The following PTPN9 variants were observed in gnomAD, a reference collection of about 807,000 sequenced individuals.
PTPN9 encodes tyrosine-protein phosphatase non-receptor type 9.
PTPN9 carries 26 observed loss-of-function variants against 69.8 expected under a neutral mutation model. The observed-to-expected ratio is 0.37, with a 90% confidence interval of 0.27 to 0.52. The LOEUF is 0.52. Ranked by LOEUF, PTPN9 falls within the 20% of genes least tolerant of loss-of-function variation. The probability of loss-of-function intolerance (pLI) is 0.91; values close to 1 mark genes in which losing one functional copy is unlikely to be tolerated. For synonymous variants in PTPN9, 274 were observed against 272.5 expected (o/e 1.01, Z -0.05); for missense variants, 549 against 740.3 (o/e 0.74, Z 3.00).
intron 1 of PTPN9, among the ~76,000 whole-genome samples, chr15:75,559,831 A>G (rs1019907063): frequency 7.9e-5 from 12 of 151,836 alleles, no homozygotes; most frequent in Non-Finnish European, 1.5e-4. Context: ...AAAAAAATGA[A>G]TATTTTTTTC....
intron 1 of PTPN9, among the ~76,000 whole-genome samples, chr15:75,540,370 T>A (rs950930011): frequency 6.6e-6 from 1 of 151,552 alleles, no homozygotes; most frequent in Non-Finnish European, 1.5e-5. Context: ...CTGGCCAACA[T>A]GGCAAAACTC....
At chr15:75,501,466 T>A (rs922419404) in intron 7 of PTPN9, among the ~76,000 whole-genome samples, 2 of 147,044 alleles carry the variant, frequency 1.4e-5, no homozygotes, top group Admixed American at 1.4e-4. Flanking sequence ...CTTTCTTTCT[T>A]TTTTTTTTTT....
chr15:75,545,601 T>C (rs1447948103), intron 1 of PTPN9, among the ~76,000 whole-genome samples: 1 of 152,160 alleles, frequency 6.6e-6, no homozygotes, highest in Admixed American at 6.6e-5. Context: ...GCCAATATCT[T>C]AACGTCAGAC....
intron 1 of PTPN9, among the ~76,000 whole-genome samples, chr15:75,574,762 G>A (rs2141347318): frequency 6.6e-6 from 1 of 151,718 alleles, no homozygotes; most frequent in South Asian, 2.1e-4. Context: ...CTAATGTAGT[G>A]AAACCCCATC....
At chr15:75,497,103 C>T (rs4299117) in intron 7 of PTPN9, among the ~76,000 whole-genome samples, 51,880 of 152,028 alleles carry the variant, frequency 0.34, 9,974 homozygotes, top group African/African-American at 0.51. Context: ...ATATCATATT[C>T]ATACTAGTAG....
chr15:75,560,581 T>C (rs1464495000), intron 1 of PTPN9, among the ~76,000 whole-genome samples: 1 of 152,120 alleles, frequency 6.6e-6, no homozygotes, highest in Non-Finnish European at 1.5e-5. Flanking sequence ...GCAGTAAAAA[T>C]AACTTCCTGG....
chr15:75,529,236 C>T lies in PTPN9; in HGVS notation c.64-1975G>A, dbSNP rs567237964. Among the ~76,000 whole-genome samples the T allele has an allele frequency of 6.6e-5, 10 of 151,972 alleles. No homozygotes were observed. The South Asian group carries it at 8.3e-4, about 13-fold the overall frequency. ...TCCTGACCTCATGATCCGTCCGCCT[C>T]GGCCTCCCAAAGTGCTGGGATTACA... On this transcript the variant is annotated intron_variant, in intron 1 of 12. Coordinates refer to ENST00000618819, the MANE Select transcript of PTPN9 (RefSeq NM_002833.4).
At chr15:75,500,344 TACACACACACAC>T (rs35248279) in intron 7 of PTPN9, among the ~76,000 whole-genome samples, 8 of 142,468 alleles carry the variant, frequency 5.6e-5, no homozygotes, top group Non-Finnish European at 1.1e-4. Context: ...CAAACATACA[TACACACACACAC>T]ACACACACAC....
chr15:75,483,247 A>G (rs1476559666), intron 8 of PTPN9, among the ~76,000 whole-genome samples: 9 of 152,244 alleles, frequency 5.9e-5, no homozygotes. Flanking sequence ...ACATAGGTGC[A>G]TACAAAAACT....
At chr15:75,571,338 C>T (rs1421559741) in intron 1 of PTPN9, among the ~76,000 whole-genome samples, 1 of 152,106 alleles carries the variant, frequency 6.6e-6, no homozygotes, top group South Asian at 2.1e-4. Flanking sequence ...AAGCATTGGG[C>T]TAAGTGCTCT....
In PTPN9 at chr15:75,573,688, CG is replaced by C. The variant is rs1306206905; in HGVS notation, c.63+5025del. ...TCTTCATTCATTCTGCAAGTATTTCCGTAAGTGCCAGTCATTATGTCAGTCA... is the reference window on the plus strand; with the variant it reads ...TCTTCATTCATTCTGCAAGTATTTCCTAAGTGCCAGTCATTATGTCAGTCA... On this transcript the variant is annotated intron_variant, in intron 1 of 12. Coordinates refer to ENST00000618819, the MANE Select transcript of PTPN9 (RefSeq NM_002833.4). 2.6e-5 allele frequency among the ~76,000 whole-genome samples: 4 copies of C among 152,132 alleles called. No individual in the cohort carries two copies. The East Asian group carries it at 7.7e-4, about 29-fold the overall frequency.
chr15:75,503,560 C>T (rs1382582004), intron 7 of PTPN9, among the ~76,000 whole-genome samples: 378 of 102,956 alleles, frequency 3.7e-3, no homozygotes, highest in African/African-American at 6.5e-3. Flanking sequence ...GGTCAGCCCC[C>T]CGCCCGGCCA....
rs2074702442 is a variant in PTPN9 at position 75,490,357 on chromosome 15, T to C, written c.969-56A>G. 11 of 1,299,888 alleles carry C rather than the reference T, an allele frequency of 8.5e-6. No homozygotes were observed. The East Asian group carries it at 2.5e-4, about 30-fold the overall frequency. The allele number at this position is 1,299,888 out of a possible 1,614,324, so 80.5% of individuals were successfully genotyped here. On this transcript the variant is annotated intron_variant, in intron 7 of 12. Coordinates refer to ENST00000618819, the MANE Select transcript of PTPN9 (RefSeq NM_002833.4). ...AAAGAAAAAGTGGGGACAGTATGTA[T>C]GTACAAAATCTGACCATGCTAAAGG...
Position 75,469,918 on chromosome 15 carries a change from T to A in PTPN9, c.1441A>T (p.Ile481Phe). 6.2e-7 allele frequency: 1 copy of A among 1,614,180 alleles called. No individual in the cohort carries two copies. The highest frequency in any genetic ancestry group is 1.1e-5 in the South Asian group (1 of 91,082). Residue 481 changes from isoleucine to phenylalanine, a missense_variant, in exon 12 of 13, where the codon ATT becomes TTT. By Grantham distance (21) the Ile-to-Phe change is conservative. Around this residue, in one of 3 missense-constraint regions of PTPN9, gnomAD observed 457 missense variants for 661.9 expected, o/e 0.69. Transcript: ENST00000618819. ...TTTCTGACCACTCTCAAGAAGTCAA[T>A]GAGGGAAGCTGCTGAGGAAGGGACA... ...YGVPSSAASL[I>F]DFLRVVRNQQ...
At chr15:75,473,657 T>C in intron 10 of PTPN9, 32 bp downstream of exon 10, 4 of 1,498,650 alleles carry the variant, frequency 2.7e-6, no homozygotes, top group Non-Finnish European at 3.7e-6. Flanking sequence ...AGAGTGGAGG[T>C]GGAGACCTTT....
chr15:75,504,227 C>T (rs1407273348), intron 7 of PTPN9, among the ~76,000 whole-genome samples: 1 of 124,664 alleles, frequency 8.0e-6, no homozygotes, highest in Non-Finnish European at 1.7e-5. Context: ...CAGCCCCCCG[C>T]CCGGCCAGCC....
At chr15:75,504,529 C>T (rs1478068495) in intron 7 of PTPN9, among the ~76,000 whole-genome samples, 8 of 137,728 alleles carry the variant, frequency 5.8e-5, no homozygotes, top group Non-Finnish European at 1.1e-4. Context: ...GTCAGCCCCC[C>T]GCCCAGCCAG....
intron 1 of PTPN9, among the ~76,000 whole-genome samples, chr15:75,528,993 T>G (rs920185920): frequency 8.6e-5 from 13 of 151,046 alleles, no homozygotes; most frequent in African/African-American, 3.2e-4. Flanking sequence ...TGAGCTAAAT[T>G]GGAATTTTTT....
chr15:75,549,519 G>T (rs956683554), intron 1 of PTPN9, among the ~76,000 whole-genome samples: 7 of 152,098 alleles, frequency 4.6e-5, no homozygotes, highest in African/African-American at 1.7e-4. Context: ...AATTTAAAAA[G>T]GGAACAATCT....
Sources: gnomAD v4.1 joint callset for allele counts (sites outside exome capture counted in the v4.1 genomes callset) on GRCh38, gnomAD v4.1.1 for gene constraint, gnomAD v4.1.1 regional missense constraint, MANE v1.5 for transcripts, NCBI Gene and HGNC (gene_info 2026-07-23, HGNC 2026-07-21) for gene names.